Variants in GLRA2 observed in about 807,000 individuals in gnomAD.
GLRA2 encodes the protein glycine receptor subunit alpha-2.
GLRA2 carries 11 observed loss-of-function variants against 31.6 expected under a neutral mutation model. That is an observed-to-expected ratio of 0.35 (90% CI 0.22 to 0.58). GLRA2 has a LOEUF of 0.58. Ranked by LOEUF, GLRA2 falls within the 20% of genes least tolerant of loss-of-function variation. GLRA2 has a pLI of 0.84. For missense variants in GLRA2, 212 were observed against 351.8 expected (o/e 0.60, Z 3.18); for synonymous variants, 132 against 134.0 (o/e 0.99, Z 0.10).
the GLRA2 span, among the ~76,000 whole-genome samples, chrX:14,517,815 C>T: frequency 9.0e-6 from 1 of 110,812 alleles, no homozygotes; most frequent in South Asian, 3.8e-4. Flanking sequence ...AAGATAAAAA[C>T]AGTAAAAACC....
intron 1 of GLRA2, among the ~76,000 whole-genome samples, chrX:14,530,735 G>C (rs758147573): frequency 8.1e-5 from 9 of 111,528 alleles, no homozygotes; most frequent in Non-Finnish European, 1.7e-4. Context: ...ATGAGAAGTG[G>C]AGCATGCATA....
intron 7 of GLRA2, among the ~76,000 whole-genome samples, chrX:14,616,311 G>A (rs990665955): frequency 8.9e-6 from 1 of 111,908 alleles, no homozygotes; most frequent in Non-Finnish European, 1.9e-5. Context: ...AGCAAACACT[G>A]GGATAGCTAG....
chrX:14,700,953 G>T (rs907724306), intron 8 of GLRA2, among the ~76,000 whole-genome samples: 4 of 109,978 alleles, frequency 3.6e-5, no homozygotes, highest in African/African-American at 1.3e-4. Context: ...CCCAGTAGAA[G>T]GTATTCCTTC....
chrX:14,654,993 A>G (rs966135322), intron 7 of GLRA2, among the ~76,000 whole-genome samples: 7 of 111,334 alleles, frequency 6.3e-5, no homozygotes, highest in African/African-American at 9.8e-5. Flanking sequence ...CCATGATTCA[A>G]TTATCTCCCA....
the GLRA2 span, among the ~76,000 whole-genome samples, chrX:14,463,034 T>C: frequency 7.9e-3 from 881 of 111,856 alleles, 1 homozygote; most frequent in Non-Finnish European, 0.012. Flanking sequence ...GGTTTTGGTG[T>C]GGATGTCCTT....
At chrX:14,573,163 A>C (rs2089906993) in intron 2 of GLRA2, among the ~76,000 whole-genome samples, 1 of 112,112 alleles carries the variant, frequency 8.9e-6, no homozygotes, top group Admixed American at 9.5e-5. Context: ...CTTTTACCAC[A>C]ACTCCTTGCT....
At chrX:14,595,229 C>A (rs1180070597) in intron 4 of GLRA2, among the ~76,000 whole-genome samples, 2 of 111,717 alleles carry the variant, frequency 1.8e-5, no homozygotes, top group African/African-American at 3.3e-5. Flanking sequence ...AGTAACAGTA[C>A]TTGAAACACA....
At chrX:14,551,575 T>G (rs923491498) in intron 2 of GLRA2, among the ~76,000 whole-genome samples, 3 of 111,713 alleles carry the variant, frequency 2.7e-5, no homozygotes, top group Non-Finnish European at 5.6e-5. Flanking sequence ...ACTTTGTCTC[T>G]GACTAACGGC....
chrX:14,472,508 C>G, the GLRA2 span, among the ~76,000 whole-genome samples: 8 of 111,153 alleles, frequency 7.2e-5, no homozygotes, highest in African/African-American at 2.6e-4. Context: ...CTTCCTGATG[C>G]TCTCACTCCT....
intron 7 of GLRA2, among the ~76,000 whole-genome samples, chrX:14,674,795 AC>A (rs1390087647): frequency 9.2e-6 from 1 of 109,065 alleles, no homozygotes. Context: ...ACACACAAAC[AC>A]ACACACTCTC....
chrX:14,559,788 C>T lies in GLRA2; in HGVS notation c.203-14545C>T, dbSNP rs777587303. Among the ~76,000 whole-genome samples, 22 of 108,629 alleles carry T rather than the reference C, an allele frequency of 2.0e-4. No individual in the cohort carries two copies. The South Asian group carries it at 7.7e-3, about 38-fold the overall frequency. The allele number at this position is 108,629 out of a possible 115,157, so 94.3% of individuals were successfully genotyped here. On this transcript the variant is annotated intron_variant, in intron 2 of 8. Coordinates refer to ENST00000218075, the MANE Select transcript of GLRA2 (RefSeq NM_002063.4). The stretch of plus-strand genomic sequence containing the variant: ...TTGCCCAGGCTGGATTGCAATGGCA[C>T]GATCTCGACTCACAGCAACCTCCGC...
At position 14,529,808 on chromosome X, in the gene GLRA2, C is replaced by A; in HGVS notation, c.-250C>A. 1 of 406,853 alleles carries A rather than the reference C, an allele frequency of 2.5e-6. No homozygotes were observed. The allele number at this position is 406,853 out of a possible 1,213,427, so 33.5% of individuals were successfully genotyped here. Reference sequence around the variant, plus strand: ...ATTCAGGAAAAGCAGCTGGGGGATTCATCAGTTCTGAGGCTTTGTCTTTCT... The same window carrying A: ...ATTCAGGAAAAGCAGCTGGGGGATTAATCAGTTCTGAGGCTTTGTCTTTCT... On this transcript the variant is annotated 5_prime_UTR_variant, in exon 1 of 9. Transcript: ENST00000218075.
intron 7 of GLRA2, among the ~76,000 whole-genome samples, chrX:14,683,427 A>T (rs774066572): frequency 1.3e-3 from 148 of 111,174 alleles, no homozygotes; most frequent in Non-Finnish European, 2.3e-3. Flanking sequence ...GTTTGAGTTC[A>T]TTGTAGATTC....
At position 14,630,823 on chromosome X, in the gene GLRA2, A is replaced by G. The variant is rs2090636816; in HGVS notation, c.930+21618A>G. Among the ~76,000 whole-genome samples the G allele has an allele frequency of 5.0e-5, 5 of 99,138 alleles. No individual in the cohort carries two copies. The Admixed American group carries it at 5.6e-4, about 11-fold the overall frequency. 86.1% of individuals were successfully genotyped at this position (99,138 alleles called of 115,157 possible). ...CTCTGCTTTTTTTTTTTTTTTTTTA[A>G]TACCTTAAGTTCTAGGGTACATGTG... On this transcript the variant is annotated intron_variant, in intron 7 of 8. Transcript: ENST00000218075.
At chrX:14,556,460 A>G (rs1322714783) in intron 2 of GLRA2, among the ~76,000 whole-genome samples, 1 of 111,699 alleles carries the variant, frequency 9.0e-6, no homozygotes, top group African/African-American at 3.3e-5. Context: ...TTTATTATTC[A>G]CCCCAATCCC....
chrX:14,556,209 T>A (rs940464831), intron 2 of GLRA2, among the ~76,000 whole-genome samples: 1 of 111,769 alleles, frequency 8.9e-6, no homozygotes, highest in East Asian at 2.8e-4. Flanking sequence ...TTCTTAAAAA[T>A]TATTAATGCA....
intron 2 of GLRA2, among the ~76,000 whole-genome samples, chrX:14,559,322 G>A (rs990905328): frequency 6.4e-5 from 7 of 109,310 alleles, no homozygotes; most frequent in South Asian, 7.9e-4. Context: ...AACCATTTGC[G>A]TATGAGTTGA....
At chrX:14,463,514 G>A in the GLRA2 span, among the ~76,000 whole-genome samples, 4 of 111,264 alleles carry the variant, frequency 3.6e-5, no homozygotes, top group Non-Finnish European at 5.7e-5. Flanking sequence ...CACCCATCTC[G>A]GGCTACCCTG....
At chrX:14,478,458 A>G in the GLRA2 span, among the ~76,000 whole-genome samples, 1 of 112,013 alleles carries the variant, frequency 8.9e-6, no homozygotes, top group African/African-American at 3.2e-5. Context: ...TGCTAGCTAG[A>G]TGAAAAGTCT....
Sources: gnomAD v4.1 joint callset for allele counts (sites outside exome capture counted in the v4.1 genomes callset) on GRCh38, gnomAD v4.1.1 for gene constraint, MANE v1.5 for transcripts, NCBI Gene and HGNC (gene_info 2026-07-23, HGNC 2026-07-21) for gene names.